Variants in IGF2BP3 observed in about 807,000 individuals in gnomAD.
IGF2BP3 encodes the protein insulin like growth factor 2 mRNA binding protein 3.
IGF2BP3 carries 9 observed loss-of-function variants against 73.8 expected under a neutral mutation model. That is an observed-to-expected ratio of 0.12 (90% CI 0.07 to 0.21). IGF2BP3 has a LOEUF of 0.21. IGF2BP3 is among the 10% of genes least tolerant of loss of function. The pLI, the probability that IGF2BP3 is intolerant of heterozygous loss-of-function variation, is 1.00. For missense variants in IGF2BP3, 542 were observed against 714.0 expected (o/e 0.76, Z 2.75); for synonymous variants, 258 against 256.7 (o/e 1.01, Z -0.05).
At chr7:23,321,294 T>G (rs920927045) in intron 10 of IGF2BP3, among the ~76,000 whole-genome samples, 3 of 152,126 alleles carry the variant, frequency 2.0e-5, no homozygotes, top group Non-Finnish European at 4.4e-5. Flanking sequence ...CCTTTCCTAG[T>G]CAAAGAAAGG....
intron 11 of IGF2BP3, 174 bp from the exon 12 acceptor site, chr7:23,317,887 T>G (rs1240199031): frequency 1.6e-6 from 1 of 629,790 alleles, no homozygotes; most frequent in South Asian, 1.8e-5. Context: ...GCCTCCCTCC[T>G]GCATATACTA....
intron 2 of IGF2BP3, among the ~76,000 whole-genome samples, chr7:23,454,381 A>G (rs1788267841): frequency 6.6e-6 from 1 of 152,226 alleles, no homozygotes; most frequent in African/African-American, 2.4e-5. Flanking sequence ...TTACAAAGAA[A>G]TGTGAAACAC....
chr7:23,404,875 C>T (rs1454771067), intron 3 of IGF2BP3: 2 of 152,114 alleles, frequency 1.3e-5, no homozygotes, highest in Non-Finnish European at 2.9e-5. Context: ...GTTTACTGTT[C>T]TAAAACCCTA....
At chr7:23,343,240 TA>T (rs1562686977) in intron 9 of IGF2BP3, among the ~76,000 whole-genome samples, 9 of 152,220 alleles carry the variant, frequency 5.9e-5, no homozygotes, top group African/African-American at 2.2e-4. Flanking sequence ...ATATGCATTA[TA>T]TCTATTGTAA....
chr7:23,334,106 C>T (rs865950540), intron 10 of IGF2BP3, among the ~76,000 whole-genome samples: 2 of 152,176 alleles, frequency 1.3e-5, no homozygotes, highest in African/African-American at 2.4e-5. Context: ...AAGGCTGAGG[C>T]GGGCGGATCC....
chr7:23,460,981 T>C (rs191660581), intron 2 of IGF2BP3, among the ~76,000 whole-genome samples: 6 of 152,194 alleles, frequency 3.9e-5, no homozygotes, highest in African/African-American at 2.4e-5. Context: ...ACTAAGAAAG[T>C]GAACAAAAAT....
In IGF2BP3 at chr7:23,312,836, G is replaced by T; in HGVS notation, c.1540C>A (p.Gln514Lys). Reference sequence around the variant, plus strand: ...ACAACTTCTGCACTTGACAAATTCTGAAGTTCATTCACCTGAAAGAGATAA... The same window carrying T: ...ACAACTTCTGCACTTGACAAATTCTTAAGTTCATTCACCTGAAAGAGATAA... ...GKGGKTVNEL[Q>K]NLSSAEVVVP... The change falls in exon 14 of 15, where the codon CAG becomes AAG. Residue 514 changes from glutamine to lysine, a missense_variant. By Grantham distance (53) the Gln-to-Lys change is moderately conservative. Coordinates refer to ENST00000258729, the MANE Select transcript of IGF2BP3 (RefSeq NM_006547.3). The T allele has an allele frequency of 1.2e-6, 2 of 1,606,208 alleles. No homozygotes were observed. Among genetic ancestry groups the T allele is most frequent in the Non-Finnish European group, 1.7e-6 (2 of 1,176,346 alleles).
At chr7:23,463,697 C>T (rs544611512) in intron 2 of IGF2BP3, among the ~76,000 whole-genome samples, 3 of 152,262 alleles carry the variant, frequency 2.0e-5, no homozygotes, top group Non-Finnish European at 4.4e-5. Context: ...GTCATGTTTC[C>T]GTAACATCTT....
At chr7:23,412,738 A>AT (rs1476882326) in intron 3 of IGF2BP3, among the ~76,000 whole-genome samples, 1 of 146,226 alleles carries the variant, frequency 6.8e-6, no homozygotes, top group Non-Finnish European at 1.5e-5. Flanking sequence ...AGCTTTGGGC[A>AT]TTTTTTGAGT....
chr7:23,327,964 C>G (rs748785156), intron 10 of IGF2BP3, among the ~76,000 whole-genome samples: 2 of 152,114 alleles, frequency 1.3e-5, no homozygotes, highest in Non-Finnish European at 2.9e-5. Context: ...TGCAGACTTA[C>G]CAGGAGGCCA....
chr7:23,326,080 C>G (rs1347276347), intron 10 of IGF2BP3, among the ~76,000 whole-genome samples: 1 of 152,054 alleles, frequency 6.6e-6, no homozygotes. Context: ...TCTAATTAAA[C>G]TAAAGAGCTT....
intron 12 of IGF2BP3, among the ~76,000 whole-genome samples, chr7:23,315,688 T>C (rs1207465508): frequency 6.6e-6 from 1 of 152,186 alleles, no homozygotes; most frequent in African/African-American, 2.4e-5. Context: ...GCCAATGACG[T>C]AGATATTACT....
intron 9 of IGF2BP3, 42 bp downstream of exon 9, chr7:23,343,676 T>A (rs1346710690): frequency 6.5e-7 from 1 of 1,534,020 alleles, no homozygotes; most frequent in Non-Finnish European, 9.0e-7. Flanking sequence ...TTGTTTTAAC[T>A]ATTTGTTAAA....
intron 2 of IGF2BP3, among the ~76,000 whole-genome samples, chr7:23,445,718 T>A (rs538960365): frequency 2.4e-4 from 36 of 152,216 alleles, no homozygotes; most frequent in Non-Finnish European, 4.0e-4. Context: ...AAATGCATGA[T>A]CATGAGCTAA....
chr7:23,348,309 A>G (rs1169713258), intron 6 of IGF2BP3, among the ~76,000 whole-genome samples: 3 of 152,210 alleles, frequency 2.0e-5, no homozygotes, highest in Non-Finnish European at 4.4e-5. Flanking sequence ...AGTGGCCAAT[A>G]AACTCAAAAT....
chr7:23,371,410 T>C (rs944913513), intron 3 of IGF2BP3, among the ~76,000 whole-genome samples: 1 of 152,228 alleles, frequency 6.6e-6, no homozygotes, highest in African/African-American at 2.4e-5. Flanking sequence ...TTCTTTTACA[T>C]CTATTTGTGA....
chr7:23,389,016 T>C (rs951658733), intron 3 of IGF2BP3, among the ~76,000 whole-genome samples: 2 of 152,204 alleles, frequency 1.3e-5, no homozygotes, highest in African/African-American at 4.8e-5. Flanking sequence ...CACATGTGTA[T>C]ATGTATGTTA....
intron 3 of IGF2BP3, among the ~76,000 whole-genome samples, chr7:23,393,358 C>A (rs191063559): frequency 6.6e-6 from 1 of 152,110 alleles, no homozygotes; most frequent in Admixed American, 6.5e-5. Flanking sequence ...CAATCGTAAC[C>A]GATGATCATC....
At chr7:23,468,384 AG>A (rs1314070355) in intron 2 of IGF2BP3, 97 bp downstream of exon 2, 2 of 1,214,312 alleles carry the variant, frequency 1.6e-6, no homozygotes, top group South Asian at 1.2e-5. Flanking sequence ...GCCACACGGC[AG>A]GGGGTAAGCA....
Sources: allele counts gnomAD v4.1 joint callset (sites outside exome capture counted in the v4.1 genomes callset), GRCh38; gene constraint gnomAD v4.1.1; transcripts MANE v1.5; gene names NCBI Gene and HGNC (gene_info 2026-07-23, HGNC 2026-07-21).